Variants in GRIK2 observed in about 807,000 individuals in gnomAD.
GRIK2 encodes the protein glutamate ionotropic receptor kainate type subunit 2.
Under a neutral mutation model 100.3 loss-of-function variants are expected in GRIK2, and 32 were observed. That is an observed-to-expected ratio of 0.32 (90% CI 0.24 to 0.43). The LOEUF is 0.43. Among genes scored for constraint, GRIK2 ranks in the 20% least tolerant of loss-of-function variants. The pLI is 1.00. For missense variants in GRIK2, 843 were observed against 1,114.9 expected, an observed-to-expected ratio of 0.76 and a Z score of 3.47; for synonymous variants, 417 against 389.4, an observed-to-expected ratio of 1.07 and a Z score of -0.83.
intron 12 of GRIK2, among the ~76,000 whole-genome samples, chr6:101,898,345 G>A (rs1787613822): frequency 6.6e-6 from 1 of 151,776 alleles, no homozygotes; most frequent in Admixed American, 6.6e-5. Context: ...TGCCTATCAT[G>A]TTAACTTTAC....
At chr6:101,534,864 C>CT (rs200576653) in intron 2 of GRIK2, among the ~76,000 whole-genome samples, 5 of 150,724 alleles carry the variant, frequency 3.3e-5, no homozygotes, top group South Asian at 2.1e-4. Flanking sequence ...TTTCTTTCCT[C>CT]TTTTTTTTTC....
At chr6:101,979,272 C>G (rs1793577808) in intron 14 of GRIK2, among the ~76,000 whole-genome samples, 1 of 151,782 alleles carries the variant, frequency 6.6e-6, no homozygotes, top group Admixed American at 6.6e-5. Context: ...AGGTTATGAC[C>G]TGATAACATG....
chr6:101,652,112 G>T (rs1310042560), intron 4 of GRIK2, among the ~76,000 whole-genome samples: 1 of 152,138 alleles, frequency 6.6e-6, no homozygotes, highest in African/African-American at 2.4e-5. Context: ...TGGAGTGATG[G>T]AGGTTAAAAC....
intron 7 of GRIK2, among the ~76,000 whole-genome samples, chr6:101,752,744 G>T (rs1776870355): frequency 6.6e-6 from 1 of 152,064 alleles, no homozygotes; most frequent in Non-Finnish European, 1.5e-5. Context: ...ATACTAACAT[G>T]AACATATGTT....
intron 4 of GRIK2, among the ~76,000 whole-genome samples, chr6:101,646,456 A>T (rs115968543): frequency 0.016 from 2,406 of 152,062 alleles, 51 homozygotes; most frequent in African/African-American, 0.048. Context: ...AAAAACCCTT[A>T]GTTATGAAAA....
chr6:101,988,118 TGTGTGTGTGTGTGTGCGCGCGC>T (rs1279229514), intron 14 of GRIK2, among the ~76,000 whole-genome samples: 5 of 45,802 alleles, frequency 1.1e-4, no homozygotes, highest in African/African-American at 1.9e-4. Flanking sequence ...TGTGTGTGTG[TGTGTGTGTGTGTGTGCGCGCGC>T]GCGCGCGCGC....
chr6:101,666,005 GA>G (rs1383138759), intron 4 of GRIK2, among the ~76,000 whole-genome samples: 5 of 152,106 alleles, frequency 3.3e-5, no homozygotes, highest in Non-Finnish European at 7.4e-5. Flanking sequence ...TAGGCACCCT[GA>G]AGGCCACCCT....
Position 101,799,628 on chromosome 6 carries a change from C to T in GRIK2, c.952-20C>T. On this transcript the variant is annotated intron_variant, in intron 7 of 16. Coordinates refer to ENST00000369134, the MANE Select transcript of GRIK2 (RefSeq NM_021956.5). ...TACAAGTTATATTGACTATAAATTT[C>T]CCTTTCCCTTGCTTTTCAGACTGAT... 6.2e-7 allele frequency: 1 copy of T among 1,604,874 alleles called. No individual in the cohort carries two copies. Among genetic ancestry groups the T allele is most frequent in the South Asian group, 1.1e-5 (1 of 90,864 alleles).
intron 10 of GRIK2, among the ~76,000 whole-genome samples, chr6:101,839,024 C>T (rs574032243): frequency 6.6e-6 from 1 of 151,842 alleles, no homozygotes; most frequent in African/African-American, 2.4e-5. Flanking sequence ...TTTTTGATGC[C>T]AGGTTCATGC....
At chr6:102,012,823 T>G (rs1410323657) in intron 14 of GRIK2, among the ~76,000 whole-genome samples, 1 of 152,182 alleles carries the variant, frequency 6.6e-6, no homozygotes, top group African/African-American at 2.4e-5. Flanking sequence ...TACCACCCTG[T>G]TTTGGTTACT....
chr6:101,998,429 C>T (rs1794758965), intron 14 of GRIK2, among the ~76,000 whole-genome samples: 2 of 151,946 alleles, frequency 1.3e-5, no homozygotes, highest in African/African-American at 4.8e-5. Context: ...TCTTTTGATC[C>T]TCTTAAAAGT....
intron 14 of GRIK2, among the ~76,000 whole-genome samples, chr6:101,944,884 T>G (rs1791180840): frequency 6.6e-6 from 1 of 152,096 alleles, no homozygotes; most frequent in Non-Finnish European, 1.5e-5. Flanking sequence ...TTGAGATTGA[T>G]AAATTTAGAG....
At chr6:101,538,874 G>C (rs933977753) in intron 2 of GRIK2, among the ~76,000 whole-genome samples, 3 of 151,634 alleles carry the variant, frequency 2.0e-5, no homozygotes, top group Admixed American at 6.6e-5. Context: ...TTTATCCAGA[G>C]ACCTCCTTTG....
At chr6:102,005,415 G>T (rs534129880) in intron 14 of GRIK2, among the ~76,000 whole-genome samples, 45 of 152,072 alleles carry the variant, frequency 3.0e-4, no homozygotes, top group African/African-American at 1.1e-3. Flanking sequence ...ATTTAAGTGA[G>T]TAAATGCCAG....
intron 7 of GRIK2, among the ~76,000 whole-genome samples, chr6:101,737,275 C>T (rs1459024875): frequency 6.6e-6 from 1 of 152,146 alleles, no homozygotes; most frequent in African/African-American, 2.4e-5. Flanking sequence ...TTTTCAGCAG[C>T]ACCCCACTCT....
chr6:101,979,894 T>C (rs1213953211), intron 14 of GRIK2, among the ~76,000 whole-genome samples: 1 of 151,838 alleles, frequency 6.6e-6, no homozygotes, highest in Non-Finnish European at 1.5e-5. Flanking sequence ...GAGAGTACGG[T>C]ATGGGAAAGA....
At chr6:101,666,572 T>G (rs1199297836) in intron 4 of GRIK2, among the ~76,000 whole-genome samples, 1 of 152,200 alleles carries the variant, frequency 6.6e-6, no homozygotes, top group Non-Finnish European at 1.5e-5. Context: ...AGATAGGACA[T>G]GGCAAAGGCT....
intron 11 of GRIK2, among the ~76,000 whole-genome samples, chr6:101,864,040 G>A (rs1414234771): frequency 6.6e-6 from 1 of 151,294 alleles, no homozygotes; most frequent in Non-Finnish European, 1.5e-5. Context: ...GGGAGGCTGA[G>A]GCAGGAGAAT....
At chr6:101,916,710 G>GT (rs1425226003) in intron 12 of GRIK2, among the ~76,000 whole-genome samples, 1 of 151,566 alleles carries the variant, frequency 6.6e-6, no homozygotes, top group East Asian at 1.9e-4. Flanking sequence ...TTATACTAAT[G>GT]TAATAGTTTT....
Sources: allele counts gnomAD v4.1 joint callset (sites outside exome capture counted in the v4.1 genomes callset), GRCh38; gene constraint gnomAD v4.1.1; transcripts MANE v1.5; gene names NCBI Gene and HGNC (gene_info 2026-07-23, HGNC 2026-07-21).